The following PREPL variants were observed in gnomAD, a reference collection of about 807,000 sequenced individuals.
The protein encoded by PREPL is prolyl endopeptidase-like.
In PREPL, 77 loss-of-function variants were observed where a neutral mutation model predicts 70.6. The ratio of observed to expected loss-of-function variants is 1.09; its 90% CI spans 0.91 to 1.32. The LOEUF (loss-of-function observed/expected upper bound fraction) is 1.32, where lower values mean the gene tolerates loss of function less well. PREPL is among the 40% of genes most tolerant of loss of function. The pLI, the probability that PREPL is intolerant of heterozygous loss-of-function variation, is 0.00. For missense variants in PREPL, 1,002 were observed against 778.2 expected (o/e 1.29, Z -3.42); for synonymous variants, 315 against 264.8 (o/e 1.19, Z -1.84).
rs1275787716 is a variant in PREPL at position 44,326,940 on chromosome 2, G to A, written c.1263-12C>T. On this transcript the variant is annotated splice_polypyrimidine_tract_variant and intron_variant, in intron 9 of 13. Coordinates refer to ENST00000409411, the MANE Select transcript of PREPL (RefSeq NM_001171613.2). ...ACTCACCACCACCTCTGAAATTGAA[G>A]GGCAAAAAAGTTTTAGTGGAAAAAA... The A allele has an allele frequency of 2.7e-5, 43 of 1,611,530 alleles. No individual in the cohort carries two copies. Among genetic ancestry groups the A allele is most frequent in the African/African-American group, 5.3e-5 (4 of 74,890 alleles).
rs766669617 is a variant in PREPL, at chr2:44,339,324, G to T, written c.525C>A (p.Phe175Leu). ...VFLYLTKDSR[F>L]LTINIMNKTT... is the part of the protein sequence containing the mutation. The stretch of plus-strand genomic sequence containing the variant: ...TCTTGTTCATAATATTTATGGTGAG[G>T]AAACGACTGTCTTTTGTAAGATAAA... Residue 175 changes from phenylalanine (F) to leucine (L), a missense_variant, in exon 6 of 14, where the codon TTC becomes TTA. By Grantham distance (22) the Phe-to-Leu change is conservative. Coordinates refer to ENST00000409411, the MANE Select transcript of PREPL (RefSeq NM_001171613.2). 18 of 1,613,956 alleles carry T rather than the reference G, an allele frequency of 1.1e-5. No individual in the cohort carries two copies. The highest frequency in any genetic ancestry group is 1.5e-5 in the Non-Finnish European group (18 of 1,179,952).
chr2:44,318,040 A>C lies in PREPL; in HGVS notation c.*3316T>G. The C allele has an allele frequency of 4.8e-6, 2 of 419,568 alleles. No homozygotes were observed. Among genetic ancestry groups the C allele is most frequent in the South Asian group, 3.4e-5 (2 of 59,416 alleles). The allele number at this position is 419,568 out of a possible 1,614,324, so 26.0% of individuals were successfully genotyped here. A position where few individuals can be genotyped will look rare whatever the true frequency, so the allele number is the denominator to read the frequency against. On this transcript the variant is annotated 3_prime_UTR_variant, in exon 14 of 14. Coordinates refer to ENST00000409411, the MANE Select transcript of PREPL (RefSeq NM_001171613.2). ...CTTTTGACCTAATAATTCCATTCCT[A>C]ATACTTAGAAATATTTGCACATGTG...
At chr2:44,357,599 T>C (rs1677184681) in intron 1 of PREPL, among the ~76,000 whole-genome samples, 1 of 152,228 alleles carries the variant, frequency 6.6e-6, no homozygotes, top group Non-Finnish European at 1.5e-5. Context: ...TGGGAATCTA[T>C]AAAAGAGAAC....
At chr2:44,352,251 C>T (rs928645168) in intron 1 of PREPL, among the ~76,000 whole-genome samples, 6 of 151,928 alleles carry the variant, frequency 3.9e-5, no homozygotes, top group African/African-American at 1.5e-4. Context: ...CTTTGTATTT[C>T]ATTCATGTAA....
Position 44,323,329 on chromosome 2 carries a change from G to C in PREPL, c.1562C>G (p.Pro521Arg), listed in dbSNP as rs778123136. 5.0e-6 allele frequency: 8 copies of C among 1,604,630 alleles called. No homozygotes were observed. The African/African-American group carries it at 6.7e-5, about 13-fold the overall frequency. Residue 521 changes from proline (P) to arginine (R), a missense_variant, in exon 11 of 14, where the codon CCT (proline) becomes CGT (arginine). Transcript: ENST00000409411. ...GTTCTTGTGTTTTTCATCAGATGAA[G>C]GATTCCCCCATTCTTCTAATTCTTC... ...TLEELEEWGN[P>R]SSDEKHKNYI...
intron 6 of PREPL, among the ~76,000 whole-genome samples, 160 bp downstream of exon 6, chr2:44,338,987 G>A (rs1674930843): frequency 6.6e-6 from 1 of 152,212 alleles, no homozygotes; most frequent in African/African-American, 2.4e-5. Context: ...ATTAAAATAT[G>A]TAGAGGCATT....
chr2:44,320,650 GA>G lies in PREPL; in HGVS notation c.*705del, dbSNP rs1672856664. The G allele has an allele frequency of 6.2e-7, 1 of 1,601,864 alleles. No individual in the cohort carries two copies. Among genetic ancestry groups the G allele is most frequent in the Non-Finnish European group, 8.6e-7 (1 of 1,169,114 alleles). On this transcript the variant is annotated 3_prime_UTR_variant, in exon 14 of 14. Transcript: ENST00000409411. The stretch of plus-strand genomic sequence containing the variant: ...TATACCTCGTGTTAGGCACCTTTAT[GA>G]AGAGATGAAGACACTGGCATTTCAG...
chr2:44,341,209 C>T (rs1572889149), intron 5 of PREPL, among the ~76,000 whole-genome samples: 2 of 152,032 alleles, frequency 1.3e-5, no homozygotes, highest in East Asian at 3.8e-4. Flanking sequence ...GGAATGTATG[C>T]TGACATATAC....
At chr2:44,352,606 T>C (rs1676567659) in intron 1 of PREPL, among the ~76,000 whole-genome samples, 1 of 152,162 alleles carries the variant, frequency 6.6e-6, no homozygotes, top group South Asian at 2.1e-4. Context: ...TCAAGTAGGA[T>C]GGTAAGCTTC....
In PREPL at chr2:44,339,478, A is replaced by G. The variant is rs1674986044; in HGVS notation, c.486-115T>C. On this transcript the variant is annotated intron_variant, in intron 5 of 13. Coordinates refer to ENST00000409411, the MANE Select transcript of PREPL (RefSeq NM_001171613.2). Reference sequence around the variant, plus strand: ...CATGTTGATTTATAATGCAGATAGGAAATTAAAATAATTCCTTAGTGAATA... The same window carrying G: ...CATGTTGATTTATAATGCAGATAGGGAATTAAAATAATTCCTTAGTGAATA... 2.2e-6 allele frequency: 3 copies of G among 1,388,788 alleles called. No individual in the cohort carries two copies. The East Asian group carries it at 7.5e-5, about 35-fold the overall frequency. 86.0% of individuals were successfully genotyped at this position (1,388,788 alleles called of 1,614,324 possible).
rs755648962 is a variant in PREPL at position 44,326,925 on chromosome 2, A to G, written c.1266T>C (p.Gly422=). 1.9e-5 allele frequency: 30 copies of G among 1,613,582 alleles called. No individual in the cohort carries two copies. Among genetic ancestry groups the G allele is most frequent in the Non-Finnish European group, 2.5e-5 (29 of 1,179,808 alleles). Residue 422 remains glycine, a synonymous_variant, in exon 10 of 14, where the codon GGT becomes GGC. Transcript: ENST00000409411. The stretch of plus-strand genomic sequence containing the variant: ...GCCACTGGAGGCCTAACTCACCACC[A>G]CCTCTGAAATTGAAGGGCAAAAAAG... ...GWILAYCHVR[G]GGELGLQWHA... is the part of the protein sequence containing the mutation.
At chr2:44,328,076 A>G (rs1286232102) in intron 9 of PREPL, among the ~76,000 whole-genome samples, 3 of 151,588 alleles carry the variant, frequency 2.0e-5, no homozygotes, top group Non-Finnish European at 4.4e-5. Flanking sequence ...ACTTGAGGTC[A>G]GGAGTTCGAG....
At chr2:44,345,126 G>T (rs1237822648) in intron 2 of PREPL, among the ~76,000 whole-genome samples, 2 of 152,122 alleles carry the variant, frequency 1.3e-5, no homozygotes, top group East Asian at 3.9e-4. Context: ...GAAATTGAGA[G>T]AATTAATATT....
At chr2:44,352,654 A>G (rs145166516) in intron 1 of PREPL, among the ~76,000 whole-genome samples, 6 of 152,192 alleles carry the variant, frequency 3.9e-5, no homozygotes, top group African/African-American at 1.4e-4. Context: ...GTTCAGTGTT[A>G]TATCTCCAGT....
In PREPL at chr2:44,322,392, TTAGAGATTCC is replaced by T. The variant is rs575207953; in HGVS notation, c.1753+329_1753+338del. Among the ~76,000 whole-genome samples, 52 of 152,304 alleles carry T rather than the reference TTAGAGATTCC, an allele frequency of 3.4e-4. No homozygotes were observed. In the East Asian group the frequency reaches 9.8e-3, roughly 29 times the overall value. The stretch of plus-strand genomic sequence containing the variant: ...AAACAAAAATCTCAGAATCTGTCTT[TTAGAGATTCC>T]CAAGAATAACGGCTCAATAAATATT... On this transcript the variant is annotated intron_variant, in intron 12 of 13. Coordinates refer to ENST00000409411, the MANE Select transcript of PREPL (RefSeq NM_001171613.2).
In PREPL at chr2:44,321,382, C is replaced by A; in HGVS notation, c.1891G>T (p.Asp631Tyr). ...LGLDSTSVFE[D>Y]LKKYLKF Reference sequence around the variant, plus strand: ...CAGAATTTCAGGTATTTCTTAAGATCCTCGAAAACACTGGTGCTGTCAAGT... The same window carrying A: ...CAGAATTTCAGGTATTTCTTAAGATACTCGAAAACACTGGTGCTGTCAAGT... Residue 631 changes from aspartate to tyrosine, a missense_variant, in exon 14 of 14, where the codon GAT (aspartate) becomes TAT (tyrosine). Asp to Tyr is a radical substitution (Grantham distance 160). Coordinates refer to ENST00000409411, the MANE Select transcript of PREPL (RefSeq NM_001171613.2). 1 of 1,611,406 alleles carries A rather than the reference C, an allele frequency of 6.2e-7. No individual in the cohort carries two copies. The highest frequency in any genetic ancestry group is 8.5e-7 in the Non-Finnish European group (1 of 1,177,924).
At chr2:44,340,453 G>A (rs1324087292) in intron 5 of PREPL, among the ~76,000 whole-genome samples, 2 of 151,980 alleles carry the variant, frequency 1.3e-5, no homozygotes, top group African/African-American at 2.4e-5. Flanking sequence ...TGAAACTACT[G>A]AAAAACGTAA....
chr2:44,330,954 T>C (rs1481637061), intron 8 of PREPL, among the ~76,000 whole-genome samples: 1 of 152,144 alleles, frequency 6.6e-6, no homozygotes, highest in Non-Finnish European at 1.5e-5. Context: ...ATATTTGTTC[T>C]TTTTCTGAGA....
intron 8 of PREPL, among the ~76,000 whole-genome samples, chr2:44,331,374 C>T (rs1350422583): frequency 1.3e-5 from 2 of 152,020 alleles, no homozygotes; most frequent in Non-Finnish European, 2.9e-5. Context: ...GCCACCACAC[C>T]CGGCTAATTT....
Sources: gnomAD v4.1 joint callset for allele counts (sites outside exome capture counted in the v4.1 genomes callset) on GRCh38, gnomAD v4.1.1 for gene constraint, MANE v1.5 for transcripts, NCBI Gene and HGNC (gene_info 2026-07-23, HGNC 2026-07-21) for gene names.